The following PGM5 variants were observed in gnomAD, a reference collection of about 807,000 sequenced individuals.
PGM5 encodes the protein phosphoglucomutase-like protein 5.
Under a neutral mutation model 59.2 loss-of-function variants are expected in PGM5, and 23 were observed. The ratio of observed to expected loss-of-function variants is 0.39; its 90% CI spans 0.28 to 0.55. The LOEUF (loss-of-function observed/expected upper bound fraction) is 0.55. PGM5 is among the 20% of genes least tolerant of loss of function. PGM5 has a pLI of 0.66. For synonymous variants in PGM5, 214 were observed against 286.0 expected (o/e 0.75, Z 2.54); for missense variants, 574 against 748.3 (o/e 0.77, Z 2.72).
chr9:68,527,070 A>G (rs1296969013), intron 10 of PGM5, among the ~76,000 whole-genome samples: 3 of 152,206 alleles, frequency 2.0e-5, no homozygotes, highest in African/African-American at 7.2e-5. Context: ...TGTTTTACTG[A>G]AGAAGTGGAA....
At chr9:68,392,133 T>C (rs1184531240) in intron 5 of PGM5, among the ~76,000 whole-genome samples, 186 bp from the exon 6 acceptor site, 3 of 152,152 alleles carry the variant, frequency 2.0e-5, no homozygotes, top group Non-Finnish European at 4.4e-5. Context: ...ATATTCCTGG[T>C]GTGTCAAGAT....
intron 6 of PGM5, among the ~76,000 whole-genome samples, chr9:68,413,622 T>C (rs1160092672): frequency 6.6e-6 from 1 of 152,246 alleles, no homozygotes; most frequent in East Asian, 1.9e-4. Flanking sequence ...ACTCAAAGAA[T>C]TCAAAGCATT....
chr9:68,494,915 C>G (rs1032875238), intron 9 of PGM5, among the ~76,000 whole-genome samples: 1 of 152,334 alleles, frequency 6.6e-6, no homozygotes, highest in South Asian at 2.1e-4. Context: ...TTGCTAAATG[C>G]GAAGGCAGGC....
At chr9:68,499,098 C>CAAT in intron 9 of PGM5, 129 bp from the exon 10 acceptor site, 1 of 949,346 alleles carries the variant, frequency 1.1e-6, no homozygotes, top group Non-Finnish European at 1.6e-6. Context: ...TATCCAGAGC[C>CAAT]AATATAAATG....
intron 3 of PGM5, among the ~76,000 whole-genome samples, chr9:68,385,402 G>A (rs1478015787): frequency 6.6e-6 from 1 of 152,178 alleles, no homozygotes. Context: ...GGAAATACCT[G>A]GTTTGTGTCC....
chr9:68,448,837 C>G (rs1012155797), intron 6 of PGM5, among the ~76,000 whole-genome samples: 3 of 152,200 alleles, frequency 2.0e-5, no homozygotes, highest in African/African-American at 7.2e-5. Context: ...CAGAAATGCT[C>G]TAGGTGCTAT....
chr9:68,516,802 G>A (rs559740110), intron 10 of PGM5, among the ~76,000 whole-genome samples: 1 of 152,298 alleles, frequency 6.6e-6, no homozygotes, highest in East Asian at 1.9e-4. Flanking sequence ...GCTCCTAGGA[G>A]GGCTGGGTTG....
Position 68,434,187 on chromosome 9 carries a change from G to A in PGM5, c.1044-30906G>A, listed in dbSNP as rs369910227. On this transcript the variant is annotated intron_variant, in intron 6 of 10. Transcript: ENST00000396396. ...CAAAAATTAGCTGTGCATGGTGGTG[G>A]GTGCCTGTAACCCGAGCTACTTGGG... Among the ~76,000 whole-genome samples the A allele has an allele frequency of 9.9e-5, 15 of 151,778 alleles. No individual in the cohort carries two copies. The East Asian group carries it at 1.6e-3, about 16-fold the overall frequency.
At chr9:68,414,900 G>A (rs1415723854) in intron 6 of PGM5, among the ~76,000 whole-genome samples, 1 of 145,936 alleles carries the variant, frequency 6.9e-6, no homozygotes, top group Non-Finnish European at 1.5e-5. Context: ...CAGTAGAAGG[G>A]TGTGAGGCAC....
At chr9:68,488,443 C>A (rs1421188517) in intron 9 of PGM5, among the ~76,000 whole-genome samples, 1 of 152,240 alleles carries the variant, frequency 6.6e-6, no homozygotes, top group Non-Finnish European at 1.5e-5. Flanking sequence ...CTGGTGATAA[C>A]CACCCCACTA....
chr9:68,419,656 A>T (rs1157319537), intron 6 of PGM5, among the ~76,000 whole-genome samples: 1 of 152,218 alleles, frequency 6.6e-6, no homozygotes, highest in Non-Finnish European at 1.5e-5. Flanking sequence ...GGTAACCAGC[A>T]TCTATTGCTG....
intron 8 of PGM5, among the ~76,000 whole-genome samples, chr9:68,482,337 T>C (rs989032153): frequency 2.0e-5 from 3 of 152,262 alleles, no homozygotes; most frequent in African/African-American, 7.2e-5. Context: ...ACCTTTAAAG[T>C]GACTGCAGTC....
chr9:68,423,649 C>CTG (rs1554682511), intron 6 of PGM5, among the ~76,000 whole-genome samples: 2 of 88,282 alleles, frequency 2.3e-5, no homozygotes, highest in African/African-American at 7.8e-5. Context: ...CTCTCTCTCT[C>CTG]TCTCTGTCTC....
intron 6 of PGM5, among the ~76,000 whole-genome samples, chr9:68,400,280 C>T (rs265103): frequency 0.49 from 73,706 of 151,926 alleles, 19,197 homozygotes; most frequent in Non-Finnish European, 0.58. Context: ...TTATAGAACA[C>T]GCATAATCTC....
intron 6 of PGM5, among the ~76,000 whole-genome samples, chr9:68,407,763 T>C (rs1193932900): frequency 1.3e-5 from 2 of 152,184 alleles, no homozygotes; most frequent in African/African-American, 4.8e-5. Context: ...CATTTGTTCA[T>C]TTTATAACCT....
chr9:68,523,114 T>C (rs1051861911), intron 10 of PGM5, among the ~76,000 whole-genome samples: 1 of 152,184 alleles, frequency 6.6e-6, no homozygotes, highest in South Asian at 2.1e-4. Context: ...CCAGGCTCTA[T>C]TGTAGGTTGC....
chr9:68,396,930 AT>A (rs1445767226), intron 6 of PGM5: 2 of 152,262 alleles, frequency 1.3e-5, no homozygotes, highest in Non-Finnish European at 2.9e-5. Flanking sequence ...GGATTCCAGA[AT>A]AAGGGGAGGC....
At chr9:68,424,859 T>C (rs1823207456) in intron 6 of PGM5, among the ~76,000 whole-genome samples, 1 of 152,268 alleles carries the variant, frequency 6.6e-6, no homozygotes, top group East Asian at 1.9e-4. Flanking sequence ...TAAAGAACGC[T>C]TGCAAAACCA....
intron 10 of PGM5, among the ~76,000 whole-genome samples, chr9:68,514,425 A>T (rs185067676): frequency 6.6e-6 from 1 of 152,068 alleles, no homozygotes; most frequent in Non-Finnish European, 1.5e-5. Flanking sequence ...AACATGGTGA[A>T]ACCCCTTCTC....
Sources: allele counts gnomAD v4.1 joint callset (sites outside exome capture counted in the v4.1 genomes callset), GRCh38; gene constraint gnomAD v4.1.1; transcripts MANE v1.5; gene names NCBI Gene and HGNC (gene_info 2026-07-23, HGNC 2026-07-21).